USO1: variants seen among roughly 807,000 people sequenced by gnomAD.
The protein encoded by USO1 is general vesicular transport factor p115.
Under a neutral mutation model 124.5 loss-of-function variants are expected in USO1, and 57 were observed. The ratio of observed to expected loss-of-function variants is 0.46; its 90% CI spans 0.37 to 0.57. The LOEUF (loss-of-function observed/expected upper bound fraction) is 0.57, where lower values mean the gene tolerates loss of function less well. Among genes scored for constraint, USO1 ranks in the 20% least tolerant of loss-of-function variants. The pLI is 0.00. For synonymous variants in USO1, 369 were observed against 362.8 expected, an observed-to-expected ratio of 1.02 and a Z score of -0.19; for missense variants, 900 against 1,040.6, an observed-to-expected ratio of 0.86 and a Z score of 1.86.
At chr4:75,738,355 G>A (rs1298249789) in intron 1 of USO1, among the ~76,000 whole-genome samples, 5 of 151,890 alleles carry the variant, frequency 3.3e-5, no homozygotes, top group Non-Finnish European at 1.5e-5. Flanking sequence ...TGCTTGGGAG[G>A]CTGAGGCAGG....
intron 12 of USO1, among the ~76,000 whole-genome samples, chr4:75,791,836 T>C (rs1009416565): frequency 1.3e-5 from 2 of 152,126 alleles, no homozygotes; most frequent in Non-Finnish European, 2.9e-5. Context: ...CATAAAAAAT[T>C]ATTGATCATT....
At chr4:75,754,620 T>G (rs992800755) in intron 3 of USO1, among the ~76,000 whole-genome samples, 3 of 152,194 alleles carry the variant, frequency 2.0e-5, no homozygotes, top group African/African-American at 7.2e-5. Flanking sequence ...ACTTTTACCC[T>G]AAGTTCATCT....
intron 13 of USO1, among the ~76,000 whole-genome samples, chr4:75,796,484 C>T (rs1165429870): frequency 6.6e-6 from 1 of 151,736 alleles, no homozygotes; most frequent in African/African-American, 2.4e-5. Flanking sequence ...TACAGGTGCG[C>T]ACCACCACAC....
chr4:75,796,556 G>A (rs970855820), intron 13 of USO1, among the ~76,000 whole-genome samples: 8 of 151,604 alleles, frequency 5.3e-5, no homozygotes, highest in African/African-American at 7.3e-5. Flanking sequence ...GGCTGGTCTC[G>A]AACTCCTGAT....
intron 13 of USO1, among the ~76,000 whole-genome samples, chr4:75,795,613 A>G (rs907112106): frequency 1.3e-5 from 2 of 152,164 alleles, no homozygotes; most frequent in Non-Finnish European, 2.9e-5. Context: ...GGATGCTTGC[A>G]CTTTCTGGAT....
At chr4:75,795,286 T>G in intron 13 of USO1, 1 of 698,564 alleles carries the variant, frequency 1.4e-6, no homozygotes, top group Non-Finnish European at 2.6e-6. Context: ...AGATTTAGAC[T>G]TTTCTAAAGT....
intron 4 of USO1, among the ~76,000 whole-genome samples, chr4:75,759,294 G>A (rs558905926): frequency 1.8e-5 from 2 of 113,880 alleles, no homozygotes; most frequent in African/African-American, 3.4e-5. Context: ...GAAAGAGTCA[G>A]TTAAAAAGTA....
chr4:75,788,209 C>G (rs1722422100), intron 10 of USO1, among the ~76,000 whole-genome samples: 1 of 148,904 alleles, frequency 6.7e-6, no homozygotes, highest in Non-Finnish European at 1.5e-5. Context: ...AGTCTGTTGC[C>G]CAGGCTGTAG....
At chr4:75,746,951 T>A (rs556588692) in intron 1 of USO1, among the ~76,000 whole-genome samples, 2 of 152,168 alleles carry the variant, frequency 1.3e-5, no homozygotes, top group East Asian at 3.9e-4. Flanking sequence ...GGAAGAAAAA[T>A]ACAAAGAAGT....
chr4:75,754,086 CTT>C (rs34901759), intron 3 of USO1, among the ~76,000 whole-genome samples: 4 of 134,102 alleles, frequency 3.0e-5, no homozygotes, highest in Admixed American at 7.5e-5. Context: ...CGCGCCCAGC[CTT>C]TTTTTTTTTT....
Position 75,802,998 on chromosome 4 carries a change from C to T in USO1, c.1987-1136C>T, listed in dbSNP as rs534382868. Among the ~76,000 whole-genome samples, 6 of 146,868 alleles carry T rather than the reference C, an allele frequency of 4.1e-5. No homozygotes were observed. In the South Asian group the frequency reaches 1.1e-3, roughly 26 times the overall value. On this transcript the variant is annotated intron_variant, in intron 17 of 23. Transcript: ENST00000514213. Reference sequence around the variant, plus strand: ...ACTCAGGAGGATGAGGTAGGAGAATCGCTTGAACAACCTGGGAGGCGGAGG... The same window carrying T: ...ACTCAGGAGGATGAGGTAGGAGAATTGCTTGAACAACCTGGGAGGCGGAGG...
chr4:75,754,363 G>T (rs545525814), intron 3 of USO1, among the ~76,000 whole-genome samples: 35 of 152,252 alleles, frequency 2.3e-4, no homozygotes, highest in Middle Eastern at 3.4e-3. Flanking sequence ...GATTACAGGT[G>T]TGAGCCACCA....
chr4:75,781,614 C>G (rs1462748915), intron 8 of USO1, among the ~76,000 whole-genome samples: 1 of 151,898 alleles, frequency 6.6e-6, no homozygotes, highest in Admixed American at 6.6e-5. Flanking sequence ...CACTAAGAAA[C>G]CAAAAAATTT....
intron 10 of USO1, among the ~76,000 whole-genome samples, chr4:75,787,473 A>G (rs1722395670): frequency 6.6e-6 from 1 of 152,176 alleles, no homozygotes; most frequent in Admixed American, 6.5e-5. Context: ...GTTATATTCA[A>G]CAGGAGTGCA....
intron 1 of USO1, among the ~76,000 whole-genome samples, chr4:75,729,088 A>T (rs10029110): frequency 6.6e-6 from 1 of 152,136 alleles, no homozygotes; most frequent in Non-Finnish European, 1.5e-5. Flanking sequence ...GAGCCACGGC[A>T]CCTGGCCCCA....
intron 14 of USO1, among the ~76,000 whole-genome samples, 168 bp downstream of exon 14, chr4:75,799,900 T>C (rs989095622): frequency 2.0e-5 from 3 of 152,084 alleles, no homozygotes; most frequent in African/African-American, 7.2e-5. Context: ...TTAAGTTGTG[T>C]GTGTGTGGTT....
intron 1 of USO1, among the ~76,000 whole-genome samples, chr4:75,746,268 G>A (rs1401439018): frequency 6.6e-6 from 1 of 152,170 alleles, no homozygotes; most frequent in Non-Finnish European, 1.5e-5. Context: ...ACAACTCATT[G>A]GCCAGAATGT....
intron 10 of USO1, 109 bp downstream of exon 10, chr4:75,787,311 G>A: frequency 2.3e-6 from 3 of 1,313,528 alleles, no homozygotes; most frequent in East Asian, 5.6e-5. Flanking sequence ...CATTTTTTAG[G>A]TTAAAATTTT....
chr4:75,773,957 A>G (rs781463378), intron 7 of USO1, among the ~76,000 whole-genome samples: 38 of 152,138 alleles, frequency 2.5e-4, no homozygotes, highest in Non-Finnish European at 5.0e-4. Flanking sequence ...CCATCATGCT[A>G]TTATTTAATA....
Sources: gnomAD v4.1 joint callset for allele counts (sites outside exome capture counted in the v4.1 genomes callset) on GRCh38, gnomAD v4.1.1 for gene constraint, MANE v1.5 for transcripts, NCBI Gene and HGNC (gene_info 2026-07-23, HGNC 2026-07-21) for gene names.